Variants in ATG14 observed in about 807,000 individuals in gnomAD.
ATG14 encodes beclin 1-associated autophagy-related key regulator.
In ATG14, 35 loss-of-function variants were observed where a neutral mutation model predicts 60.4. The ratio of observed to expected loss-of-function variants is 0.58; its 90% CI spans 0.44 to 0.77. ATG14 has a LOEUF of 0.77. ATG14 is among the 30% of genes least tolerant of loss of function. The pLI is 0.00. For synonymous variants in ATG14, 234 were observed against 228.8 expected (o/e 1.02, Z -0.21); for missense variants, 647 against 626.3 (o/e 1.03, Z -0.35).
At chr14:55,372,971 A>G (rs527338140) in intron 9 of ATG14, among the ~76,000 whole-genome samples, 2 of 152,282 alleles carry the variant, frequency 1.3e-5, no homozygotes, top group East Asian at 1.9e-4. Flanking sequence ...TTTGGTTCCA[A>G]TGATCAACCT....
chr14:55,395,275 T>C (rs892178598), intron 3 of ATG14: 13 of 325,094 alleles, frequency 4.0e-5, no homozygotes, highest in African/African-American at 2.9e-4. Context: ...CTGCGAGGCA[T>C]AGTGCATCTA....
intron 7 of ATG14, among the ~76,000 whole-genome samples, chr14:55,379,363 C>T (rs1389154932): frequency 6.6e-6 from 1 of 151,772 alleles, no homozygotes; most frequent in Non-Finnish European, 1.5e-5. Context: ...TAGGGAGACC[C>T]TGTCTCATAC....
chr14:55,396,714 C>T lies in ATG14; in HGVS notation c.284+658G>A, dbSNP rs529541385. On this transcript the variant is annotated intron_variant, in intron 2 of 9. Transcript: ENST00000247178. ...GGTAAAGAGAAACTGAATGAAGGCA[C>T]AAGAGATGCAAACCTCTAGGGTGCA... Among the ~76,000 whole-genome samples, 6 of 152,266 alleles carry T rather than the reference C, an allele frequency of 3.9e-5. No individual in the cohort carries two copies. In the East Asian group the frequency reaches 1.2e-3, roughly 29 times the overall value.
At chr14:55,394,852 C>G (rs1306051954) in intron 3 of ATG14, 1 of 323,898 alleles carries the variant, frequency 3.1e-6, no homozygotes, top group African/African-American at 2.2e-5. Context: ...GAATGCTAAG[C>G]TGACACCCAA....
intron 2 of ATG14, among the ~76,000 whole-genome samples, chr14:55,396,617 C>T (rs140875653): frequency 2.0e-5 from 3 of 152,212 alleles, no homozygotes; most frequent in African/African-American, 7.2e-5. Flanking sequence ...GGGGAGATGC[C>T]ACAAAAGAGA....
At chr14:55,393,396 GA>G (rs920106125) in intron 3 of ATG14, among the ~76,000 whole-genome samples, 1 of 146,314 alleles carries the variant, frequency 6.8e-6, no homozygotes, top group Non-Finnish European at 1.5e-5. Flanking sequence ...AAAAAAAGAG[GA>G]AAAAAAAAGA....
intron 1 of ATG14, among the ~76,000 whole-genome samples, chr14:55,402,966 T>TATATATAAATAA (rs1476398158): frequency 5.1e-5 from 3 of 59,074 alleles, no homozygotes; most frequent in Non-Finnish European, 9.9e-5. Flanking sequence ...TATATATATA[T>TATATATAAATAA]ATAAATAGCT....
intron 1 of ATG14, among the ~76,000 whole-genome samples, chr14:55,398,464 ATT>A (rs1331629573): frequency 6.6e-6 from 1 of 152,066 alleles, no homozygotes; most frequent in Non-Finnish European, 1.5e-5. Flanking sequence ...GATATTGTGT[ATT>A]TTCATTATCA....
At chr14:55,387,491 G>T (rs1885144827) in intron 4 of ATG14, among the ~76,000 whole-genome samples, 1 of 152,072 alleles carries the variant, frequency 6.6e-6, no homozygotes, top group South Asian at 2.1e-4. Flanking sequence ...AATGTGTTCA[G>T]ACTCTTCTGA....
intron 1 of ATG14, among the ~76,000 whole-genome samples, chr14:55,408,460 C>A (rs1465476733): frequency 6.6e-6 from 1 of 151,800 alleles, no homozygotes; most frequent in Non-Finnish European, 1.5e-5. Flanking sequence ...CCCCTCCCCC[C>A]TCAAACAAAC....
In ATG14 at chr14:55,406,096, GAC is replaced by G. The variant is rs529602561; in HGVS notation, c.221+5504_221+5505del. On this transcript the variant is annotated intron_variant, in intron 1 of 9. Coordinates refer to ENST00000247178, the MANE Select transcript of ATG14 (RefSeq NM_014924.5). Reference sequence around the variant, plus strand: ...AACTCATATTGTCCCCAAAAGTAAAGACACATGGTTCCCTTCTTAAGAGTCAA... The same window carrying G: ...AACTCATATTGTCCCCAAAAGTAAAGACATGGTTCCCTTCTTAAGAGTCAA... Among the ~76,000 whole-genome samples the G allele has an allele frequency of 6.3e-4, 96 of 152,272 alleles. 1 individual carries two copies. Among genetic ancestry groups the G allele is most frequent in the Middle Eastern group, 6.8e-3 (2 of 294 alleles).
intron 5 of ATG14, among the ~76,000 whole-genome samples, chr14:55,383,883 G>A (rs1218401749): frequency 6.6e-6 from 1 of 152,226 alleles, no homozygotes; most frequent in Non-Finnish European, 1.5e-5. Context: ...GATGCACAAG[G>A]GAAGTGCCAG....
chr14:55,374,216 G>GTT (rs112314795), intron 9 of ATG14, among the ~76,000 whole-genome samples: 22,410 of 151,236 alleles, frequency 0.15, 1,831 homozygotes, highest in East Asian at 0.19. Context: ...TTATTTTAAT[G>GTT]TTTTTTTTTA....
At chr14:55,380,957 G>T (rs1312991844) in intron 6 of ATG14, among the ~76,000 whole-genome samples, 2 of 147,608 alleles carry the variant, frequency 1.4e-5, no homozygotes, top group African/African-American at 5.0e-5. Context: ...ATTAAAGTCT[G>T]ACCTGTGTGA....
At chr14:55,383,237 C>T (rs1350521553) in intron 5 of ATG14, among the ~76,000 whole-genome samples, 12 of 150,710 alleles carry the variant, frequency 8.0e-5, no homozygotes, top group African/African-American at 2.9e-4. Flanking sequence ...TGAAAATATT[C>T]GGGGGAAAAA....
intron 9 of ATG14, among the ~76,000 whole-genome samples, chr14:55,373,983 T>C (rs1454708915): frequency 6.6e-6 from 1 of 152,078 alleles, no homozygotes; most frequent in Non-Finnish European, 1.5e-5. Context: ...GCCATAAACT[T>C]AGATGTGACT....
Position 55,366,483 on chromosome 14 carries a change from A to G in ATG14, c.*3136T>C, listed in dbSNP as rs1269007333. ...TTTGGAAGTTGCAGAGCAATGGGGAATTCCTGCAACATGATACTGTGAGGA... is the reference window on the plus strand; with the variant it reads ...TTTGGAAGTTGCAGAGCAATGGGGAGTTCCTGCAACATGATACTGTGAGGA... On this transcript the variant is annotated 3_prime_UTR_variant, in exon 10 of 10. Coordinates refer to ENST00000247178, the MANE Select transcript of ATG14 (RefSeq NM_014924.5). 2 of 152,642 alleles carry G rather than the reference A, an allele frequency of 1.3e-5. No individual in the cohort carries two copies. Among genetic ancestry groups the G allele is most frequent in the African/African-American group, 4.8e-5 (2 of 41,460 alleles). The allele number at this position is 152,642 out of a possible 1,614,324, so 9.5% of individuals were successfully genotyped here.
chr14:55,389,959 GA>G (rs902808599), intron 4 of ATG14, among the ~76,000 whole-genome samples: 39 of 146,382 alleles, frequency 2.7e-4, no homozygotes, highest in African/African-American at 8.5e-4. Context: ...CTCACTAAGG[GA>G]AAAAAAAAAC....
intron 6 of ATG14, among the ~76,000 whole-genome samples, chr14:55,381,681 A>G (rs1002223797): frequency 6.6e-6 from 1 of 152,254 alleles, no homozygotes; most frequent in African/African-American, 2.4e-5. Context: ...CCATTTATAT[A>G]AGCTGCCCAG....
Sources: gnomAD v4.1 joint callset for allele counts (sites outside exome capture counted in the v4.1 genomes callset) on GRCh38, gnomAD v4.1.1 for gene constraint, MANE v1.5 for transcripts, NCBI Gene and HGNC (gene_info 2026-07-23, HGNC 2026-07-21) for gene names.